Variants in UBE2E2 observed in about 807,000 individuals in gnomAD.
The protein encoded by UBE2E2 is ubiquitin-conjugating enzyme E2 E2.
UBE2E2 carries 6 observed loss-of-function variants against 24.7 expected under a neutral mutation model. That is an observed-to-expected ratio of 0.24 (90% CI 0.13 to 0.48). The LOEUF (loss-of-function observed/expected upper bound fraction) is 0.48. Among genes scored for constraint, UBE2E2 ranks in the 20% least tolerant of loss-of-function variants. The probability of loss-of-function intolerance (pLI) is 0.99; values close to 1 mark genes in which losing one functional copy is unlikely to be tolerated. For missense variants in UBE2E2, 169 were observed against 245.0 expected (o/e 0.69, Z 2.07); for synonymous variants, 104 against 83.6 (o/e 1.24, Z -1.33).
intron 3 of UBE2E2, among the ~76,000 whole-genome samples, chr3:23,313,356 G>T (rs2125280086): frequency 1.4e-5 from 2 of 139,460 alleles, no homozygotes; most frequent in Admixed American, 7.1e-5. Context: ...TAGGTGAAGT[G>T]TGTTTCTTGT....
chr3:23,397,477 T>C (rs370272214), intron 3 of UBE2E2, among the ~76,000 whole-genome samples: 3 of 152,316 alleles, frequency 2.0e-5, no homozygotes, highest in African/African-American at 7.2e-5. Context: ...GGTTGTAAAA[T>C]AGGACATTGC....
rs148116654 is a variant in UBE2E2 at position 23,589,742 on chromosome 3, C to T, written c.517C>T (p.Leu173=). 7 of 1,614,112 alleles carry T rather than the reference C, an allele frequency of 4.3e-6. No individual in the cohort carries two copies. The highest frequency in any genetic ancestry group is 3.3e-5 in the Admixed American group (2 of 60,028). The change falls in exon 6 of 6, where the codon CTG becomes TTG. Residue 173 remains leucine, a synonymous_variant. Transcript: ENST00000396703. The surrounding 1 kb of genome is among the most constrained non-coding windows in gnomAD (Gnocchi z 4.1). ...CTCTGCTTTCCTTGCAGCTGACCCT[C>T]TGGTGGGCAGCATCGCCACACAGTA... The part of the protein sequence containing the change: ...LLTDCNPADP[L]VGSIATQYMT...
intron 3 of UBE2E2, among the ~76,000 whole-genome samples, chr3:23,250,938 A>T (rs1026499350): frequency 7.9e-5 from 12 of 152,202 alleles, no homozygotes; most frequent in African/African-American, 2.9e-4. Context: ...GCTCACTGCA[A>T]CCTTGAATTC....
intron 4 of UBE2E2, among the ~76,000 whole-genome samples, chr3:23,524,875 C>G (rs1041751829): frequency 1.3e-5 from 2 of 151,570 alleles, no homozygotes; most frequent in South Asian, 4.2e-4. Flanking sequence ...GACACACACA[C>G]ACACACACAC....
intron 3 of UBE2E2, among the ~76,000 whole-genome samples, chr3:23,301,879 C>T (rs1036897068): frequency 3.3e-5 from 5 of 152,162 alleles, no homozygotes; most frequent in Non-Finnish European, 5.9e-5. Context: ...GGGAGCTGTT[C>T]CTATTCGGCC....
chr3:23,355,093 AT>A, intron 3 of UBE2E2, among the ~76,000 whole-genome samples: 1 of 152,054 alleles, frequency 6.6e-6, no homozygotes, highest in East Asian at 1.9e-4. Context: ...CATGGATGAA[AT>A]TGGAAATCAT....
intron 4 of UBE2E2, among the ~76,000 whole-genome samples, chr3:23,517,799 G>A (rs557435944): frequency 6.6e-6 from 1 of 151,994 alleles, no homozygotes; most frequent in Non-Finnish European, 1.5e-5. Context: ...CTAAAAGGTG[G>A]TATTGTTATA....
At chr3:23,229,761 C>G (rs1041371754) in intron 3 of UBE2E2, among the ~76,000 whole-genome samples, 3 of 152,176 alleles carry the variant, frequency 2.0e-5, no homozygotes, top group Admixed American at 6.5e-5. Flanking sequence ...CTTATCTGCC[C>G]TGTCCAGTAC....
chr3:23,215,727 T>C (rs1014377390), intron 2 of UBE2E2, among the ~76,000 whole-genome samples: 8 of 152,150 alleles, frequency 5.3e-5, no homozygotes, highest in Non-Finnish European at 1.0e-4. Flanking sequence ...TGCTGTTTAT[T>C]CCTTTTTGCA....
intron 3 of UBE2E2, among the ~76,000 whole-genome samples, chr3:23,356,694 A>T (rs992902913): frequency 1.3e-5 from 2 of 152,208 alleles, no homozygotes; most frequent in African/African-American, 2.4e-5. Context: ...AAATCTTCTC[A>T]TATCAATTCC....
intron 3 of UBE2E2, among the ~76,000 whole-genome samples, chr3:23,288,190 A>G (rs1221045666): frequency 6.6e-6 from 1 of 152,126 alleles, no homozygotes; most frequent in Non-Finnish European, 1.5e-5. Context: ...CCCACTGAGC[A>G]TATGGTTTAA....
At chr3:23,406,237 T>C (rs1287186888) in intron 3 of UBE2E2, among the ~76,000 whole-genome samples, 3 of 152,222 alleles carry the variant, frequency 2.0e-5, no homozygotes, top group Admixed American at 6.5e-5. Flanking sequence ...TTTCTTTCTC[T>C]TGCTGCCTTC....
intron 5 of UBE2E2, among the ~76,000 whole-genome samples, chr3:23,540,944 A>G (rs1483218210): frequency 6.6e-6 from 1 of 152,196 alleles, no homozygotes; most frequent in Non-Finnish European, 1.5e-5. Context: ...TTAAACATGA[A>G]ATTAAGAGAA....
At chr3:23,214,602 C>G (rs1386142813) in intron 2 of UBE2E2, among the ~76,000 whole-genome samples, 5 of 150,910 alleles carry the variant, frequency 3.3e-5, no homozygotes, top group African/African-American at 1.2e-4. Context: ...ACCTAAAGGG[C>G]AGTATAAATA....
intron 4 of UBE2E2, among the ~76,000 whole-genome samples, chr3:23,522,999 TAAAAA>T (rs1475377627): frequency 1.3e-5 from 2 of 151,418 alleles, no homozygotes; most frequent in Non-Finnish European, 2.9e-5. Flanking sequence ...TTCTGAAACT[TAAAAA>T]AACAGAACAA....
intron 2 of UBE2E2, among the ~76,000 whole-genome samples, chr3:23,214,911 A>G (rs1575475333): frequency 6.6e-6 from 1 of 151,978 alleles, no homozygotes. Context: ...TTTTCTGTAC[A>G]ACTCTTAATA....
intron 3 of UBE2E2, chr3:23,449,987 A>G: frequency 1.1e-6 from 1 of 934,556 alleles, no homozygotes; most frequent in Non-Finnish European, 1.3e-6. Flanking sequence ...CTACCCTGCC[A>G]CGTGAGTACA....
chr3:23,567,834 T>G (rs947953320), intron 5 of UBE2E2, among the ~76,000 whole-genome samples: 4 of 152,226 alleles, frequency 2.6e-5, no homozygotes, highest in Admixed American at 6.5e-5. Context: ...CTAGACACTT[T>G]GTTGGTTTTG....
In UBE2E2 at chr3:23,430,843, A is replaced by G. The variant is rs1042624872; in HGVS notation, c.228-68765A>G. On this transcript the variant is annotated intron_variant, in intron 3 of 5. Coordinates refer to ENST00000396703, the MANE Select transcript of UBE2E2 (RefSeq NM_152653.4). ...GCCTGTTTACTTCATTTTTTAGGCA[A>G]TAGTTGACAAGTTTCTGTATACATA... is the stretch of plus-strand genomic sequence containing the variant. Among the ~76,000 whole-genome samples, 8 of 152,162 alleles carry G rather than the reference A, an allele frequency of 5.3e-5. No homozygotes were observed. The South Asian group carries it at 6.2e-4, about 12-fold the overall frequency.
Sources: gnomAD v4.1 joint callset for allele counts (sites outside exome capture counted in the v4.1 genomes callset) on GRCh38, gnomAD v4.1.1 for gene constraint, Gnocchi (gnomAD v3.1) non-coding constraint, MANE v1.5 for transcripts, NCBI Gene and HGNC (gene_info 2026-07-23, HGNC 2026-07-21) for gene names.